Variants in UGT3A1 observed in about 807,000 individuals in gnomAD.
The protein encoded by UGT3A1 is UDP glycosyltransferase family 3 member A1.
A neutral mutation model predicts 37.6 loss-of-function variants in UGT3A1; 40 were observed. That is an observed-to-expected ratio of 1.06 (90% CI 0.83 to 1.38). The LOEUF (loss-of-function observed/expected upper bound fraction) is 1.38. Ranked by LOEUF, UGT3A1 falls within the 40% of genes most tolerant of loss-of-function variation. The pLI, the probability that UGT3A1 is intolerant of heterozygous loss-of-function variation, is 0.00. For synonymous variants in UGT3A1, 256 were observed against 232.3 expected, an observed-to-expected ratio of 1.10 and a Z score of -0.93; for missense variants, 642 against 634.2, an observed-to-expected ratio of 1.01 and a Z score of -0.13.
chr5:35,988,640 G>T, intron 1 of UGT3A1, 89 bp from the exon 2 acceptor site: 2 of 970,894 alleles, frequency 2.1e-6, no homozygotes, highest in Non-Finnish European at 3.1e-6. Context: ...TGGAAATTCA[G>T]CAGAAAAAGC....
rs1740813800 is a variant in UGT3A1 at position 35,988,542 on chromosome 5, T to C, written c.104A>G (p.His35Arg). Reference sequence around the variant, plus strand: ...AGACACCCGGTCCAACAGTAGGTAATGGCTTCCACCTAGAAACAATGCACA... The same window carrying C: ...AGACACCCGGTCCAACAGTAGGTAACGGCTTCCACCTAGAAACAATGCACA... ...ILTISTLGGS[H>R]YLLLDRVSQI... Residue 35 changes from histidine (H) to arginine (R), a missense_variant, in exon 2 of 7, where the codon CAT becomes CGT. Physicochemically the swap from His to Arg is conservative, Grantham distance 29 (BLOSUM62 0). Transcript: ENST00000274278. The C allele has an allele frequency of 9.3e-6, 15 of 1,611,892 alleles. No homozygotes were observed. Among genetic ancestry groups the C allele is most frequent in the Middle Eastern group, 1.6e-4 (1 of 6,066 alleles).
intron 1 of UGT3A1, among the ~76,000 whole-genome samples, chr5:36,000,800 T>A (rs1741205992): frequency 6.6e-6 from 1 of 152,220 alleles, no homozygotes; most frequent in Admixed American, 6.5e-5. Context: ...GCACTTAAAC[T>A]ATCTGATTTA....
chr5:35,963,616 A>G, intron 4 of UGT3A1, among the ~76,000 whole-genome samples: 1 of 152,240 alleles, frequency 6.6e-6, no homozygotes, highest in Non-Finnish European at 1.5e-5. Context: ...GCTCTGTGCA[A>G]ATAGGTTCCT....
At position 35,951,598 on chromosome 5, in the gene UGT3A1, G is replaced by A. The variant is rs1300485307; in HGVS notation, c.*2604C>T. On this transcript the variant is annotated 3_prime_UTR_variant, in exon 7 of 7. Coordinates refer to ENST00000274278, the MANE Select transcript of UGT3A1 (RefSeq NM_152404.4). ...AGTTCTTAGTTTATCAGAAATATTA[G>A]GTCTATGTGTAAGATATATGCTGCA... 6.6e-6 allele frequency: 1 copy of A among 152,094 alleles called. No homozygotes were observed. The highest frequency in any genetic ancestry group is 6.6e-5 in the Admixed American group (1 of 15,266). 9.4% of individuals were successfully genotyped at this position (152,094 alleles called of 1,614,324 possible).
intron 2 of UGT3A1, among the ~76,000 whole-genome samples, chr5:35,983,781 G>GA (rs1740623736): frequency 6.6e-6 from 1 of 151,782 alleles, no homozygotes; most frequent in African/African-American, 2.4e-5. Context: ...CACATAAACA[G>GA]AACCAAGAAC....
upstream of UGT3A1, among the ~76,000 whole-genome samples, chr5:35,995,374 C>A (rs1191085394): frequency 6.6e-6 from 1 of 152,226 alleles, no homozygotes; most frequent in Non-Finnish European, 1.5e-5. Flanking sequence ...CGCCCCATTT[C>A]AGGAACAACC....
intron 6 of UGT3A1, 144 bp from the exon 7 acceptor site, chr5:35,954,622 A>G (rs923334315): frequency 2.9e-6 from 3 of 1,034,410 alleles, no homozygotes; most frequent in Admixed American, 2.7e-5. Flanking sequence ...ATTTGTTGGC[A>G]TGGCCTTGCC....
intron 2 of UGT3A1, among the ~76,000 whole-genome samples, chr5:35,977,734 T>C (rs1184871819): frequency 1.3e-5 from 2 of 152,236 alleles, no homozygotes; most frequent in Non-Finnish European, 2.9e-5. Flanking sequence ...CAATAGACAT[T>C]ATGTTATAGC....
chr5:35,963,345 A>G (rs905492792), intron 4 of UGT3A1, among the ~76,000 whole-genome samples: 2 of 152,058 alleles, frequency 1.3e-5, no homozygotes, highest in African/African-American at 4.8e-5. Context: ...TTTCCTTTCT[A>G]GGCCCTCAGC....
At chr5:35,967,807 A>G (rs567589307) in intron 3 of UGT3A1, among the ~76,000 whole-genome samples, 63 of 152,190 alleles carry the variant, frequency 4.1e-4, no homozygotes, top group Non-Finnish European at 6.9e-4. Flanking sequence ...TATCCACTCA[A>G]CCACCCAGCT....
rs1739210117 is a variant in UGT3A1, at chr5:35,952,073, A to G, written c.*2129T>C. ...AGAAAAATGCTTCAAAAGAGAATGC[A>G]GTGAGCTCCATTTCAGGTGTAGTGG... On this transcript the variant is annotated 3_prime_UTR_variant, in exon 7 of 7. Transcript: ENST00000274278. 6.6e-6 allele frequency: 1 copy of G among 152,232 alleles called. No individual in the cohort carries two copies. The highest frequency in any genetic ancestry group is 2.4e-5 in the African/African-American group (1 of 41,454). The allele number at this position is 152,232 out of a possible 1,614,324, so 9.4% of individuals were successfully genotyped here. A position where few individuals can be genotyped will look rare whatever the true frequency, so the allele number is the denominator to read the frequency against.
rs746213023 is a variant in UGT3A1, at chr5:35,957,252, G to T, written c.1011C>A (p.Pro337=). ...VIWTCQSSHW[P]RDVHLATNVK... ...CATTTGTGGCCAAATGAACATCTCT[G>T]GGCCAATGAGAACTCTGACATGTCC... Residue 337 remains proline, a synonymous_variant, in exon 5 of 7, where the codon CCC becomes CCA. Coordinates refer to ENST00000274278, the MANE Select transcript of UGT3A1 (RefSeq NM_152404.4). 2.5e-6 allele frequency: 4 copies of T among 1,613,988 alleles called. No homozygotes were observed. The highest frequency in any genetic ancestry group is 3.4e-6 in the Non-Finnish European group (4 of 1,180,016).
At chr5:35,999,149 A>G (rs1741163743) in intron 1 of UGT3A1, among the ~76,000 whole-genome samples, 1 of 150,668 alleles carries the variant, frequency 6.6e-6, no homozygotes, top group Non-Finnish European at 1.5e-5. Context: ...AGGCAGGAGA[A>G]TGGCATGAAT....
chr5:35,964,099 A>G (rs4024102), intron 4 of UGT3A1, among the ~76,000 whole-genome samples: 1 of 136,880 alleles, frequency 7.3e-6, no homozygotes, highest in African/African-American at 2.6e-5. Context: ...AAAAATGGTT[A>G]AAGTGGTATA....
At chr5:35,959,562 AT>A (rs1285785475) in intron 4 of UGT3A1, among the ~76,000 whole-genome samples, 3 of 152,150 alleles carry the variant, frequency 2.0e-5, no homozygotes, top group East Asian at 1.9e-4. Context: ...ATTAAATTGA[AT>A]TTTTTTCTCG....
chr5:35,983,860 T>A (rs1030291530), intron 2 of UGT3A1, among the ~76,000 whole-genome samples: 4 of 151,006 alleles, frequency 2.6e-5, no homozygotes, highest in Admixed American at 1.3e-4. Context: ...TTTTATGATT[T>A]AAAAAAAAAC....
At chr5:35,986,601 C>G (rs1197079665) in intron 2 of UGT3A1, among the ~76,000 whole-genome samples, 2 of 151,996 alleles carry the variant, frequency 1.3e-5, no homozygotes, top group Non-Finnish European at 2.9e-5. Flanking sequence ...TGTTCTCACC[C>G]ATATGCAGTA....
At position 35,954,411 on chromosome 5, in the gene UGT3A1, G is replaced by A. The variant is rs1739274929; in HGVS notation, c.1363C>T (p.Leu455=). The A allele has an allele frequency of 6.2e-7, 1 of 1,614,120 alleles. No homozygotes were observed. Among genetic ancestry groups the A allele is most frequent in the South Asian group, 1.1e-5 (1 of 91,084 alleles). The change falls in exon 7 of 7, where the codon CTG becomes TTG. Residue 455 remains leucine (L), a synonymous_variant. Transcript: ENST00000274278. ...HSQPLSPAQR[L]VGWIDHILQT... Reference sequence around the variant, plus strand: ...AGGATGTGGTCGATCCAGCCCACCAGCCGCTGTGCGGGGCTCAGGGGCTGA... The same window carrying A: ...AGGATGTGGTCGATCCAGCCCACCAACCGCTGTGCGGGGCTCAGGGGCTGA...
chr5:35,973,295 A>T (rs907319349), intron 2 of UGT3A1, among the ~76,000 whole-genome samples: 1 of 152,184 alleles, frequency 6.6e-6, no homozygotes, highest in African/African-American at 2.4e-5. Flanking sequence ...TACCCATAAG[A>T]AGGTTCACTA....
Sources: gnomAD v4.1 joint callset for allele counts (sites outside exome capture counted in the v4.1 genomes callset) on GRCh38, gnomAD v4.1.1 for gene constraint, MANE v1.5 for transcripts, NCBI Gene and HGNC (gene_info 2026-07-23, HGNC 2026-07-21) for gene names.